The following NIPBL variants were observed in gnomAD, a reference collection of about 807,000 sequenced individuals.
The protein encoded by NIPBL is nipped-B-like protein.
Under a neutral mutation model 321.8 loss-of-function variants are expected in NIPBL, and 19 were observed. The ratio of observed to expected loss-of-function variants is 0.06; its 90% CI spans 0.04 to 0.09. NIPBL has a LOEUF of 0.09. Among genes scored for constraint, NIPBL ranks in the 10% least tolerant of loss-of-function variants. The probability of loss-of-function intolerance (pLI) is 1.00; values close to 1 mark genes in which losing one functional copy is unlikely to be tolerated. For synonymous variants in NIPBL, 1,106 were observed against 1,114.1 expected, an observed-to-expected ratio of 0.99 and a Z score of 0.14; for missense variants, 2,210 against 3,327.0, an observed-to-expected ratio of 0.66 and a Z score of 8.26.
At chr5:36,887,558 C>T (rs1746011423) in intron 1 of NIPBL, among the ~76,000 whole-genome samples, 1 of 152,164 alleles carries the variant, frequency 6.6e-6, no homozygotes, top group Admixed American at 6.5e-5. Flanking sequence ...CTGGGATATT[C>T]TCTTGTTGTT....
At chr5:37,055,155 C>G (rs1266478672) in intron 42 of NIPBL, among the ~76,000 whole-genome samples, 1 of 151,996 alleles carries the variant, frequency 6.6e-6, no homozygotes, top group Non-Finnish European at 1.5e-5. Context: ...TCGAGAACAG[C>G]CTGGCCAACA....
intron 1 of NIPBL, among the ~76,000 whole-genome samples, chr5:36,903,762 C>T (rs1001936914): frequency 2.6e-5 from 4 of 152,184 alleles, no homozygotes; most frequent in Non-Finnish European, 4.4e-5. Context: ...CACCATTTCT[C>T]AAGGCTGCAT....
At chr5:37,015,333 A>C (rs1748824332) in intron 22 of NIPBL, among the ~76,000 whole-genome samples, 1 of 152,036 alleles carries the variant, frequency 6.6e-6, no homozygotes, top group South Asian at 2.1e-4. Flanking sequence ...CGTGTTGGTT[A>C]GGCTGGTCTC....
chr5:37,041,604 C>T (rs1250511670), intron 34 of NIPBL, among the ~76,000 whole-genome samples: 1 of 150,460 alleles, frequency 6.6e-6, no homozygotes, highest in African/African-American at 2.5e-5. Context: ...GCTCTGTTGC[C>T]CAGGCTGGAG....
At position 36,976,096 on chromosome 5, in the gene NIPBL, C is replaced by A. The variant is rs771157592; in HGVS notation, c.1189C>A (p.Pro397Thr). ...TGATATTCCTTTTAATGTGCAGTAC[C>A]CAGGACAGACTTCAAAAACACCCAT... ...ENDIPFNVQY[P>T]GQTSKTPITP... Residue 397 changes from proline (P) to threonine (T), a missense_variant, in exon 9 of 47, where the codon CCA becomes ACA. Around this residue, in one of 14 missense-constraint regions of NIPBL, gnomAD observed 464 missense variants for 529.5 expected, o/e 0.88. Coordinates refer to ENST00000282516, the MANE Select transcript of NIPBL (RefSeq NM_133433.4). The A allele has an allele frequency of 1.2e-6, 2 of 1,613,704 alleles. No homozygotes were observed. The highest frequency in any genetic ancestry group is 2.7e-5 in the African/African-American group (2 of 74,834).
In NIPBL at chr5:36,916,450, C is replaced by A. The variant is rs558616021; in HGVS notation, c.-79-37168C>A. On this transcript the variant is annotated intron_variant, in intron 1 of 46. Coordinates refer to ENST00000282516, the MANE Select transcript of NIPBL (RefSeq NM_133433.4). The stretch of plus-strand genomic sequence containing the variant: ...TTGTTTTACTAAAACCACGGAAGTG[C>A]CCTCAATTTTTACAGCATTTTGTTT... Among the ~76,000 whole-genome samples, 7 of 152,186 alleles carry A rather than the reference C, an allele frequency of 4.6e-5. No homozygotes were observed. In the East Asian group the frequency reaches 1.4e-3, roughly 29 times the overall value.
At chr5:37,061,068 A>G (rs1238937895) in intron 45 of NIPBL, 50 bp downstream of exon 45, 2 of 1,436,078 alleles carry the variant, frequency 1.4e-6, no homozygotes. Context: ...CTTTTTTGAC[A>G]AGTAAATGTG....
Position 36,985,222 on chromosome 5 carries a change from C to G in NIPBL, c.2042C>G (p.Thr681Arg), listed in dbSNP as rs1452597230. The G allele has an allele frequency of 6.8e-6, 11 of 1,613,618 alleles. No homozygotes were observed. Among genetic ancestry groups the G allele is most frequent in the Non-Finnish European group, 9.3e-6 (11 of 1,179,910 alleles). ...CAAAATGAAAATAGACTGTCTGACA[C>G]AAAACCAAATGACAACAAACAAAAT... ...PKQNENRLSDTKPNDNKQNNG... is the reference protein window; with the variant it reads ...PKQNENRLSDRKPNDNKQNNG... The change falls in exon 10 of 47, where the codon ACA (threonine) becomes AGA (arginine). Residue 681 changes from threonine (T) to arginine (R), a missense_variant. By Grantham distance (71) the Thr-to-Arg change is moderately conservative. Transcript: ENST00000282516.
At chr5:36,942,979 C>T (rs1016160834) in intron 1 of NIPBL, among the ~76,000 whole-genome samples, 1 of 151,802 alleles carries the variant, frequency 6.6e-6, no homozygotes, top group Non-Finnish European at 1.5e-5. Flanking sequence ...AAAAATTTTC[C>T]GCAGTAATCT....
At chr5:37,056,176 A>G (rs541587464) in intron 42 of NIPBL, among the ~76,000 whole-genome samples, 2 of 152,156 alleles carry the variant, frequency 1.3e-5, no homozygotes, top group African/African-American at 2.4e-5. Flanking sequence ...TTTTATGTCT[A>G]CATTTTTTCA....
intron 46 of NIPBL, chr5:37,064,287 TA>T (rs1052817555): frequency 7.3e-6 from 10 of 1,378,338 alleles, no homozygotes; most frequent in Middle Eastern, 2.7e-4. Context: ...CATATGTATA[TA>T]TAATTTTATA....
chr5:37,004,657 T>C (rs1747216664), intron 16 of NIPBL, among the ~76,000 whole-genome samples: 2 of 152,124 alleles, frequency 1.3e-5, no homozygotes, highest in Admixed American at 1.3e-4. Flanking sequence ...TCCTCCTGCC[T>C]TGTCCTCCCA....
At position 37,048,630 on chromosome 5, in the gene NIPBL, T is replaced by C; in HGVS notation, c.6718T>C (p.Tyr2240His). 1 of 1,610,116 alleles carries C rather than the reference T, an allele frequency of 6.2e-7. No homozygotes were observed. The highest frequency in any genetic ancestry group is 8.5e-7 in the Non-Finnish European group (1 of 1,177,516). ...ACAAGTGTTAAAAAACCTCCAGACCTACCTACAAGAAGAAGATACACGTAT... is the reference window on the plus strand; with the variant it reads ...ACAAGTGTTAAAAAACCTCCAGACCCACCTACAAGAAGAAGATACACGTAT... ...KIQVLKNLQT[Y>H]LQEEDTRMQQ... The change falls in exon 39 of 47, where the codon TAC becomes CAC. Residue 2240 changes from tyrosine (Y) to histidine (H), a missense_variant. Tyr to His is a moderately conservative substitution (Grantham distance 83, BLOSUM62 2). Transcript: ENST00000282516.
chr5:37,057,942 T>A (rs1754275328), intron 43 of NIPBL, among the ~76,000 whole-genome samples: 1 of 152,254 alleles, frequency 6.6e-6, no homozygotes, highest in Admixed American at 6.5e-5. Flanking sequence ...TTGAATATTC[T>A]CATGTATCTA....
intron 1 of NIPBL, among the ~76,000 whole-genome samples, chr5:36,942,980 G>A (rs962858080): frequency 4.0e-5 from 6 of 151,816 alleles, no homozygotes; most frequent in South Asian, 4.2e-4. Flanking sequence ...AAAATTTTCC[G>A]CAGTAATCTT....
chr5:36,897,525 A>G, intron 1 of NIPBL, among the ~76,000 whole-genome samples: 1 of 152,200 alleles, frequency 6.6e-6, no homozygotes, highest in East Asian at 1.9e-4. Flanking sequence ...ATAAGAAAGA[A>G]ATTTCTTATT....
At chr5:37,062,668 T>G in intron 45 of NIPBL, among the ~76,000 whole-genome samples, 1 of 152,198 alleles carries the variant, frequency 6.6e-6, no homozygotes, top group East Asian at 1.9e-4. Context: ...ACCTGTAATC[T>G]TAGCACCTTG....
chr5:36,984,724 G>A lies in NIPBL; in HGVS notation c.1544G>A (p.Gly515Glu), dbSNP rs758803599. The change falls in exon 10 of 47, where the codon GGG (glycine) becomes GAG (glutamate). Residue 515 changes from glycine (G) to glutamate (E), a missense_variant. Gly to Glu is a moderately conservative substitution (Grantham distance 98). This residue lies in a region of NIPBL where 588 missense variants were observed against 564.1 expected (regional missense o/e 1.04). Transcript: ENST00000282516. ...CAAGATTCTTACCCACAGGAGGCTG[G>A]GGGTGCTACAGGAGGTAATAGACCA... ...RKQDSYPQEA[G>E]GATGGNRPAS... is the part of the protein sequence containing the mutation. 6.2e-7 allele frequency: 1 copy of A among 1,612,450 alleles called. No individual in the cohort carries two copies. Among genetic ancestry groups the A allele is most frequent in the Non-Finnish European group, 8.5e-7 (1 of 1,179,370 alleles).
chr5:36,986,390 T>G, intron 10 of NIPBL, 89 bp downstream of exon 10: 1 of 903,978 alleles, frequency 1.1e-6, no homozygotes, highest in Non-Finnish European at 1.5e-6. Context: ...TTACAAAAAT[T>G]AGAAAGCTAC....
Sources: allele counts gnomAD v4.1 joint callset (sites outside exome capture counted in the v4.1 genomes callset), GRCh38; gene constraint gnomAD v4.1.1; regional missense constraint gnomAD v4.1.1; transcripts MANE v1.5; gene names NCBI Gene and HGNC (gene_info 2026-07-23, HGNC 2026-07-21).